The following ANKFY1 variants were observed in gnomAD, a reference collection of about 807,000 sequenced individuals.
ANKFY1 encodes ankyrin repeat and FYVE domain containing 1, also known as ankyrin repeat and FYVE domain-containing protein 1.
Under a neutral mutation model 128.3 loss-of-function variants are expected in ANKFY1, and 47 were observed. The observed-to-expected ratio is 0.37, with a 90% CI of 0.29 to 0.47. ANKFY1 has a LOEUF of 0.47. ANKFY1 is among the 20% of genes least tolerant of loss of function. The probability of loss-of-function intolerance (pLI) is 1.00; values close to 1 mark genes in which losing one functional copy is unlikely to be tolerated. For synonymous variants in ANKFY1, 553 were observed against 601.6 expected, an observed-to-expected ratio of 0.92 and a Z score of 1.18; for missense variants, 1,222 against 1,510.6, an observed-to-expected ratio of 0.81 and a Z score of 3.17.
At chr17:4,177,033 C>T (rs1377711256) in intron 19 of ANKFY1, 93 bp downstream of exon 19, 1 of 1,315,066 alleles carries the variant, frequency 7.6e-7, no homozygotes, top group African/African-American at 1.5e-5. Flanking sequence ...GCTTTCACAA[C>T]ACCGGGCAAA....
chr17:4,243,511 T>C (rs1397885909), intron 1 of ANKFY1, among the ~76,000 whole-genome samples: 1 of 152,174 alleles, frequency 6.6e-6, no homozygotes, highest in South Asian at 2.1e-4. Context: ...GTCATCTTCA[T>C]GACAAGCCTA....
At chr17:4,262,151 A>C (rs1015384132) in intron 1 of ANKFY1, among the ~76,000 whole-genome samples, 1 of 152,134 alleles carries the variant, frequency 6.6e-6, no homozygotes, top group African/African-American at 2.4e-5. Context: ...ACATAGTGTG[A>C]CCTAGTCTCT....
intron 21 of ANKFY1, 114 bp downstream of exon 21, chr17:4,173,240 C>G: frequency 1.1e-6 from 1 of 887,758 alleles, no homozygotes; most frequent in South Asian, 1.4e-5. Context: ...TGGTGAGGTG[C>G]CCCAGCGGCC....
intron 2 of ANKFY1, among the ~76,000 whole-genome samples, chr17:4,237,073 T>G (rs1966940996): frequency 6.6e-6 from 1 of 151,932 alleles, no homozygotes; most frequent in African/African-American, 2.4e-5. Context: ...GAGGCAGAGG[T>G]TGCAGTGAGC....
At chr17:4,182,878 G>A (rs1161452093) in intron 14 of ANKFY1, among the ~76,000 whole-genome samples, 1 of 152,136 alleles carries the variant, frequency 6.6e-6, no homozygotes, top group Non-Finnish European at 1.5e-5. Flanking sequence ...GGCCGAGGCA[G>A]GCAGATCACT....
At chr17:4,217,551 A>T (rs1191257506) in intron 3 of ANKFY1, among the ~76,000 whole-genome samples, 1 of 152,198 alleles carries the variant, frequency 6.6e-6, no homozygotes, top group African/African-American at 2.4e-5. Context: ...CGTCTCAAAA[A>T]AAAGGTGACT....
intron 14 of ANKFY1, 34 bp from the exon 15 acceptor site, chr17:4,182,383 T>C: frequency 4.0e-6 from 6 of 1,488,588 alleles, no homozygotes; most frequent in Non-Finnish European, 5.4e-6. Context: ...CCAACGTTTG[T>C]GGTTGAACCC....
chr17:4,169,352 T>G lies in ANKFY1; in HGVS notation c.3287-64A>C. The G allele has an allele frequency of 7.7e-7, 1 of 1,300,680 alleles. No homozygotes were observed. The highest frequency in any genetic ancestry group is 1.1e-6 in the Non-Finnish European group (1 of 925,362). The allele number at this position is 1,300,680 out of a possible 1,614,324, so 80.6% of individuals were successfully genotyped here. A position where few individuals can be genotyped will look rare whatever the true frequency, so the allele number is the denominator to read the frequency against. On this transcript the variant is annotated intron_variant, in intron 23 of 24. Transcript: ENST00000341657. This position sits in a 1 kb window ranked among gnomAD's most constrained non-coding sequence, Gnocchi z 5.0. ...GACGGCGCCACGCAAGCCCCAGGGC[T>G]TGGAGGCAGCAGGAACACAGACCCG...
Position 4,194,964 on chromosome 17 carries a change from G to A in ANKFY1, c.1372+14C>T. 1 of 1,614,176 alleles carries A rather than the reference G, an allele frequency of 6.2e-7. No homozygotes were observed. Among genetic ancestry groups the A allele is most frequent in the Non-Finnish European group, 8.5e-7 (1 of 1,180,028 alleles). ...AGACCCCAGCGTCGCCCCTTCGGGA[G>A]GCACGTGCTTTACCTGTCGCCGTGT... On this transcript the variant is annotated intron_variant, in intron 10 of 24. Coordinates refer to ENST00000341657, the MANE Select transcript of ANKFY1 (RefSeq NM_001330063.2).
intron 1 of ANKFY1, among the ~76,000 whole-genome samples, chr17:4,262,975 G>T (rs1968502917): frequency 6.6e-6 from 1 of 152,160 alleles, no homozygotes; most frequent in Non-Finnish European, 1.5e-5. Flanking sequence ...CAACAGGAAA[G>T]GTCGTGGCCA....
chr17:4,217,865 T>C (rs891239260), intron 3 of ANKFY1, among the ~76,000 whole-genome samples: 4 of 152,072 alleles, frequency 2.6e-5, no homozygotes, highest in African/African-American at 9.7e-5. Context: ...TTTGTATTTT[T>C]TGCAGAGACG....
chr17:4,224,214 G>GTTTTTTT (rs33995900), intron 3 of ANKFY1, among the ~76,000 whole-genome samples: 1 of 66,746 alleles, frequency 1.5e-5, no homozygotes, highest in Non-Finnish European at 2.6e-5. Flanking sequence ...CACCTTTGAA[G>GTTTTTTT]TTTTTTTTTT....
chr17:4,170,929 C>T (rs1210198284), intron 22 of ANKFY1, 68 bp from the exon 23 acceptor site: 21 of 1,606,390 alleles, frequency 1.3e-5, no homozygotes, highest in African/African-American at 4.0e-5. Context: ...AGACGGAGGG[C>T]GGAGGACAGC....
In ANKFY1 at chr17:4,165,689, G is replaced by A. The variant is rs1207091861; in HGVS notation, c.*2090C>T. 2 of 152,244 alleles carry A rather than the reference G, an allele frequency of 1.3e-5. No homozygotes were observed. The highest frequency in any genetic ancestry group is 2.9e-5 in the Non-Finnish European group (2 of 68,036). The allele number at this position is 152,244 out of a possible 1,614,324, so 9.4% of individuals were successfully genotyped here. A position where few individuals can be genotyped will look rare whatever the true frequency, so the allele number is the denominator to read the frequency against. On this transcript the variant is annotated 3_prime_UTR_variant, in exon 25 of 25. Coordinates refer to ENST00000341657, the MANE Select transcript of ANKFY1 (RefSeq NM_001330063.2). ...ATTGCTATCCCTGGACTCAGGCTTAGAAGCAAGTTTGAATCAACATATTTG... is the reference window on the plus strand; with the variant it reads ...ATTGCTATCCCTGGACTCAGGCTTAAAAGCAAGTTTGAATCAACATATTTG...
Position 4,207,955 on chromosome 17 carries a change from T to C in ANKFY1, c.710A>G (p.Tyr237Cys), listed in dbSNP as rs1236010042. 1.2e-6 allele frequency: 2 copies of C among 1,606,038 alleles called. No individual in the cohort carries two copies. The highest frequency in any genetic ancestry group is 3.4e-5 in the Admixed American group (2 of 58,474). Residue 237 changes from tyrosine (Y) to cysteine (C), a missense_variant, in exon 6 of 25, where the codon TAT becomes TGT. Physicochemically the swap from Tyr to Cys is radical, Grantham distance 194. Coordinates refer to ENST00000341657, the MANE Select transcript of ANKFY1 (RefSeq NM_001330063.2). ...TACCTGGGAATCCATTTCAATCAGA[T>C]ACAGGAAGACCACGTCTTCTCTCTC... ...KVEREDVVFL[Y>C]LIEMDSQLPG...
At chr17:4,215,029 C>T (rs2060197526) in intron 4 of ANKFY1, among the ~76,000 whole-genome samples, 1 of 152,112 alleles carries the variant, frequency 6.6e-6, no homozygotes. Context: ...TAGGTCACGC[C>T]TGTAATCCCA....
intron 10 of ANKFY1, among the ~76,000 whole-genome samples, chr17:4,190,121 C>A (rs546593486): frequency 6.6e-6 from 1 of 152,284 alleles, no homozygotes; most frequent in East Asian, 1.9e-4. Context: ...CGGCAGCATC[C>A]TCTGAACTTA....
chr17:4,216,399 T>C (rs1171031590), intron 4 of ANKFY1: 1 of 163,592 alleles, frequency 6.1e-6, no homozygotes, highest in East Asian at 1.7e-4. Context: ...TGACATTATT[T>C]AGTGAACGTT....
intron 4 of ANKFY1, among the ~76,000 whole-genome samples, chr17:4,212,480 T>C (rs1217396254): frequency 6.6e-6 from 1 of 152,226 alleles, no homozygotes; most frequent in Non-Finnish European, 1.5e-5. Flanking sequence ...TCAGCACAGC[T>C]TGAGGTATGT....
Sources: gnomAD v4.1 joint callset for allele counts (sites outside exome capture counted in the v4.1 genomes callset) on GRCh38, gnomAD v4.1.1 for gene constraint, Gnocchi (gnomAD v3.1) non-coding constraint, MANE v1.5 for transcripts, NCBI Gene and HGNC (gene_info 2026-07-23, HGNC 2026-07-21) for gene names.